Variants in FLT3 observed in about 807,000 individuals in gnomAD.
FLT3 encodes the protein receptor-type tyrosine-protein kinase FLT3.
Under a neutral mutation model 126.6 loss-of-function variants are expected in FLT3, and 46 were observed. The observed-to-expected ratio is 0.36, with a 90% CI of 0.29 to 0.46. The LOEUF is 0.46. FLT3 is among the 20% of genes least tolerant of loss of function. The pLI is 1.00. For missense variants in FLT3, 1,069 were observed against 1,190.3 expected, an observed-to-expected ratio of 0.90 and a Z score of 1.50; for synonymous variants, 404 against 434.4, an observed-to-expected ratio of 0.93 and a Z score of 0.87.
rs529749284 is a variant in FLT3, at chr13:28,072,242, T to A, written c.44-1630A>T. On this transcript the variant is annotated intron_variant, in intron 1 of 23. Coordinates refer to ENST00000241453, the MANE Select transcript of FLT3 (RefSeq NM_004119.3). ...TTCTCTTTATGTATTTAAGTATATATGTACATATAAGTATATACACATATA... is the reference window on the plus strand; with the variant it reads ...TTCTCTTTATGTATTTAAGTATATAAGTACATATAAGTATATACACATATA... Among the ~76,000 whole-genome samples, 79 of 151,698 alleles carry A rather than the reference T, an allele frequency of 5.2e-4. 1 individual carries two copies. The highest frequency in any genetic ancestry group is 1.0e-3 in the Non-Finnish European group (68 of 67,964).
chr13:28,071,080 C>T (rs1266726698), intron 1 of FLT3, among the ~76,000 whole-genome samples: 4 of 148,760 alleles, frequency 2.7e-5, no homozygotes, highest in African/African-American at 9.9e-5. Flanking sequence ...CTGCAAGCTC[C>T]GCCTCCCAGG....
chr13:28,004,464 C>A (rs1227032860), intron 23 of FLT3, among the ~76,000 whole-genome samples: 1 of 152,036 alleles, frequency 6.6e-6, no homozygotes, highest in African/African-American at 2.4e-5. Flanking sequence ...CTCCACCACA[C>A]CCTGCTAATT....
chr13:28,025,849 T>A (rs980572520), intron 17 of FLT3, among the ~76,000 whole-genome samples: 11 of 152,284 alleles, frequency 7.2e-5, no homozygotes, highest in Admixed American at 7.2e-4. Flanking sequence ...CATGGGGATC[T>A]CCGTGGGGCC....
At chr13:28,069,978 G>A (rs760360050) in intron 2 of FLT3, among the ~76,000 whole-genome samples, 17 of 152,080 alleles carry the variant, frequency 1.1e-4, no homozygotes, top group Non-Finnish European at 1.8e-4. Flanking sequence ...AGCCAGGTGT[G>A]GTGGCATGTG....
chr13:28,069,667 G>T (rs572732607), intron 2 of FLT3, among the ~76,000 whole-genome samples: 3 of 152,198 alleles, frequency 2.0e-5, no homozygotes, highest in Non-Finnish European at 4.4e-5. Flanking sequence ...AAAAAATGGG[G>T]TTGCATCTGT....
At position 28,073,167 on chromosome 13, in the gene FLT3, C is replaced by T. The variant is rs144451665; in HGVS notation, c.44-2555G>A. ...ACCAGCCTGGGCAACCCAGTAAAAG[C>T]ATATCTCTAAAAATTTTTTTTAAAT... is the stretch of plus-strand genomic sequence containing the variant. On this transcript the variant is annotated intron_variant, in intron 1 of 23. Coordinates refer to ENST00000241453, the MANE Select transcript of FLT3 (RefSeq NM_004119.3). Among the ~76,000 whole-genome samples, 94 of 152,070 alleles carry T rather than the reference C, an allele frequency of 6.2e-4. 1 individual carries two copies. The East Asian group carries it at 0.015, about 25-fold the overall frequency.
In FLT3 at chr13:28,010,041, G is replaced by A. The variant is rs77494640; in HGVS notation, c.2859+4411C>T. Among the ~76,000 whole-genome samples, 465 of 152,166 alleles carry A rather than the reference G, an allele frequency of 3.1e-3. 1 individual carries two copies. Among genetic ancestry groups the A allele is most frequent in the African/African-American group, 0.011 (436 of 41,506 alleles). On this transcript the variant is annotated intron_variant, in intron 23 of 23. Coordinates refer to ENST00000241453, the MANE Select transcript of FLT3 (RefSeq NM_004119.3). Reference sequence around the variant, plus strand: ...CAGCGTGCCCATCCTTGCTGCTGCCGCCCCTCTCAACTGATGTCCTGACAT... The same window carrying A: ...CAGCGTGCCCATCCTTGCTGCTGCCACCCCTCTCAACTGATGTCCTGACAT...
intron 18 of FLT3, 133 bp from the exon 19 acceptor site, chr13:28,023,610 C>G (rs1309869071): frequency 1.0e-6 from 1 of 973,134 alleles, no homozygotes; most frequent in African/African-American, 1.6e-5. Context: ...ATCTTCCCGG[C>G]AGCATTAGAG....
At chr13:28,093,769 C>CTA (rs1402598067) in intron 1 of FLT3, among the ~76,000 whole-genome samples, 5 of 152,158 alleles carry the variant, frequency 3.3e-5, no homozygotes. Context: ...TCTAAAACTC[C>CTA]ACTGCAATTT....
At chr13:28,015,343 G>A (rs796296119) in intron 21 of FLT3, 87 bp from the exon 22 acceptor site, 3 of 945,662 alleles carry the variant, frequency 3.2e-6, no homozygotes. Context: ...ATTGAGATCT[G>A]CCATGTGCCA....
At chr13:28,069,046 G>A (rs187050437) in intron 2 of FLT3, among the ~76,000 whole-genome samples, 3 of 152,340 alleles carry the variant, frequency 2.0e-5, no homozygotes, top group African/African-American at 7.2e-5. Flanking sequence ...GAACTTGAAG[G>A]AGCCAGAGCC....
At chr13:28,041,712 G>A (rs1426157506) in intron 9 of FLT3, among the ~76,000 whole-genome samples, 2 of 152,176 alleles carry the variant, frequency 1.3e-5, no homozygotes, top group Non-Finnish European at 2.9e-5. Flanking sequence ...AACTAATTAG[G>A]CTGATTGGGA....
In FLT3 at chr13:28,094,781, G is replaced by A. The variant is rs1216897375; in HGVS notation, c.43+5687C>T. On this transcript the variant is annotated intron_variant, in intron 1 of 23. Transcript: ENST00000241453. ...CTCCCAAAGTGCTGGGGATACAGGT[G>A]TGAACCACTGCACTCTGCCTACTTT... Among the ~76,000 whole-genome samples the A allele has an allele frequency of 8.5e-5, 13 of 152,226 alleles. No individual in the cohort carries two copies. In the South Asian group the frequency reaches 2.5e-3, roughly 29 times the overall value.
At chr13:28,041,695 G>A (rs1246242754) in intron 9 of FLT3, among the ~76,000 whole-genome samples, 1 of 152,192 alleles carries the variant, frequency 6.6e-6, no homozygotes, top group African/African-American at 2.4e-5. Flanking sequence ...GGAATTCCAA[G>A]GGGACTAACT....
chr13:28,053,930 C>A (rs61306503), intron 4 of FLT3, among the ~76,000 whole-genome samples: 8,053 of 152,096 alleles, frequency 0.053, 709 homozygotes, highest in African/African-American at 0.18. Flanking sequence ...CTCACTACAG[C>A]CTCAACCTCC....
At chr13:28,093,026 A>T (rs1017220620) in intron 1 of FLT3, among the ~76,000 whole-genome samples, 2 of 150,714 alleles carry the variant, frequency 1.3e-5, no homozygotes, top group African/African-American at 4.9e-5. Flanking sequence ...GACTCAAGCA[A>T]TTCTCTTGCC....
At chr13:28,052,954 T>C (rs890955431) in intron 4 of FLT3, among the ~76,000 whole-genome samples, 1 of 152,120 alleles carries the variant, frequency 6.6e-6, no homozygotes, top group African/African-American at 2.4e-5. Flanking sequence ...CATGTGAAAA[T>C]ACAAATATTG....
chr13:28,043,640 G>A (rs1874584456), intron 9 of FLT3, among the ~76,000 whole-genome samples: 2 of 152,176 alleles, frequency 1.3e-5, no homozygotes, highest in African/African-American at 4.8e-5. Context: ...GAATGCTCAT[G>A]CACTATTATT....
intron 20 of FLT3, among the ~76,000 whole-genome samples, chr13:28,016,644 G>GT (rs753743692): frequency 6.6e-6 from 1 of 152,196 alleles, no homozygotes; most frequent in Non-Finnish European, 1.5e-5. Flanking sequence ...AATCAGCCAA[G>GT]TAAACCCTCT....
Sources: gnomAD v4.1 joint callset for allele counts (sites outside exome capture counted in the v4.1 genomes callset) on GRCh38, gnomAD v4.1.1 for gene constraint, MANE v1.5 for transcripts, NCBI Gene and HGNC (gene_info 2026-07-23, HGNC 2026-07-21) for gene names.